INPP4A: variants seen among roughly 807,000 people sequenced by gnomAD.
The protein encoded by INPP4A is inositol polyphosphate-4-phosphatase, type I, 107kD.
A neutral mutation model predicts 119.8 loss-of-function variants in INPP4A; 33 were observed. The ratio of observed to expected loss-of-function variants is 0.28; its 90% CI spans 0.21 to 0.37. The LOEUF is 0.37. Ranked by LOEUF, INPP4A falls within the 10% of genes least tolerant of loss-of-function variation. The pLI is 1.00. For missense variants in INPP4A, 956 were observed against 1,289.9 expected (o/e 0.74, Z 3.97); for synonymous variants, 496 against 500.7 (o/e 0.99, Z 0.12).
chr2:98,576,765 G>A (rs1006616000), intron 23 of INPP4A, among the ~76,000 whole-genome samples: 2 of 152,232 alleles, frequency 1.3e-5, no homozygotes, highest in African/African-American at 4.8e-5. Flanking sequence ...GCCTACAGGC[G>A]GCAGGCCCCC....
At chr2:98,563,149 C>T (rs944538662) in intron 17 of INPP4A, among the ~76,000 whole-genome samples, 5 of 152,096 alleles carry the variant, frequency 3.3e-5, no homozygotes, top group African/African-American at 9.7e-5. Flanking sequence ...TCATGACTTG[C>T]AGAAGCTTCT....
chr2:98,499,966 T>G (rs953479756), intron 1 of INPP4A, among the ~76,000 whole-genome samples: 1 of 152,230 alleles, frequency 6.6e-6, no homozygotes, highest in African/African-American at 2.4e-5. Context: ...TCCGTGGGTC[T>G]GGCGGAGCCA....
chr2:98,572,824 G>T lies in INPP4A; in HGVS notation c.2528G>T (p.Arg843Leu). Residue 843 changes from arginine to leucine, a missense_variant, in exon 23 of 25, where the codon CGG becomes CTG. By Grantham distance (102) the Arg-to-Leu change is moderately radical. Around this residue, in one of 2 missense-constraint regions of INPP4A, gnomAD observed 304 missense variants for 492.1 expected, o/e 0.62. Coordinates refer to ENST00000409851, the MANE Select transcript of INPP4A (RefSeq NM_001134225.2). ...TCCTTTTCTCTTCCAGGCCTGCCTC[G>T]GTCTCGCAGTCAGACGTGCCTGCCA... is the stretch of plus-strand genomic sequence containing the variant. ...KEVLPEDCLP[R>L]SRSQTCLPEL... 2 of 1,558,104 alleles carry T rather than the reference G, an allele frequency of 1.3e-6. No homozygotes were observed. The highest frequency in any genetic ancestry group is 1.7e-6 in the Non-Finnish European group (2 of 1,151,364).
intron 11 of INPP4A, among the ~76,000 whole-genome samples, chr2:98,544,340 G>A (rs1216679177): frequency 6.6e-6 from 1 of 152,230 alleles, no homozygotes; most frequent in Non-Finnish European, 1.5e-5. Context: ...ACTGCTTCAT[G>A]TTGTTTCTTC....
At chr2:98,492,835 T>C (rs1681117981) in intron 1 of INPP4A, among the ~76,000 whole-genome samples, 2 of 152,248 alleles carry the variant, frequency 1.3e-5, no homozygotes, top group African/African-American at 4.8e-5. Context: ...TGCCAAGTAC[T>C]GACTTTGGAT....
intron 1 of INPP4A, among the ~76,000 whole-genome samples, chr2:98,507,224 C>A (rs1466404775): frequency 6.6e-6 from 1 of 152,236 alleles, no homozygotes; most frequent in African/African-American, 2.4e-5. Flanking sequence ...CAGCCCATCC[C>A]ATCCCTCACA....
chr2:98,557,260 G>T (rs1463057275), intron 16 of INPP4A, among the ~76,000 whole-genome samples: 1 of 152,204 alleles, frequency 6.6e-6, no homozygotes, highest in East Asian at 1.9e-4. Flanking sequence ...ATAAAAATCA[G>T]CTGTTGTAAT....
chr2:98,542,120 G>A (rs1024354380), intron 10 of INPP4A, among the ~76,000 whole-genome samples: 1 of 152,220 alleles, frequency 6.6e-6, no homozygotes, highest in Non-Finnish European at 1.5e-5. Context: ...GCCTCTGTGA[G>A]ATGATGACAT....
chr2:98,498,128 AG>A (rs1558949759), intron 1 of INPP4A, among the ~76,000 whole-genome samples: 1 of 152,074 alleles, frequency 6.6e-6, no homozygotes. Flanking sequence ...GAGATTTGAT[AG>A]GGGCCAGGGG....
chr2:98,520,819 C>A, intron 4 of INPP4A, 88 bp downstream of exon 4: 1 of 712,934 alleles, frequency 1.4e-6, no homozygotes, highest in Non-Finnish European at 2.3e-6. Context: ...ATGGGCTTGT[C>A]TCAGAGAGCT....
chr2:98,564,476 C>T (rs984631598), intron 18 of INPP4A, among the ~76,000 whole-genome samples, 164 bp from the exon 19 acceptor site: 4 of 152,192 alleles, frequency 2.6e-5, no homozygotes, highest in Non-Finnish European at 5.9e-5. Flanking sequence ...TTCCCATGGC[C>T]AGGGCATGCC....
intron 10 of INPP4A, 80 bp downstream of exon 10, chr2:98,539,755 C>T: frequency 1.4e-6 from 2 of 1,409,596 alleles, no homozygotes; most frequent in Non-Finnish European, 1.9e-6. Context: ...GCGGGCAGAG[C>T]ACTGGCATCA....
In INPP4A at chr2:98,589,726, C is replaced by T. The variant is rs1301935691; in HGVS notation, c.*2118C>T. On this transcript the variant is annotated 3_prime_UTR_variant, in exon 25 of 25. Transcript: ENST00000409851. ...AGGGTGAGGGTGTGTGGCACAGAGG[C>T]AAGCAGCTCCTCTCTTCTGTAGGAG... 5.5e-6 allele frequency: 1 copy of T among 181,666 alleles called. No individual in the cohort carries two copies. Among genetic ancestry groups the T allele is most frequent in the African/African-American group, 2.4e-5 (1 of 42,426 alleles). The allele number at this position is 181,666 out of a possible 1,614,324, so 11.3% of individuals were successfully genotyped here.
At chr2:98,552,118 C>T (rs553595212) in intron 13 of INPP4A, among the ~76,000 whole-genome samples, 19 of 152,278 alleles carry the variant, frequency 1.2e-4, no homozygotes, top group African/African-American at 4.3e-4. Context: ...CTGAGGAGTC[C>T]GGCTTTGCCT....
intron 1 of INPP4A, among the ~76,000 whole-genome samples, chr2:98,517,783 T>C (rs1376887337): frequency 6.6e-6 from 1 of 152,266 alleles, no homozygotes; most frequent in Non-Finnish European, 1.5e-5. Flanking sequence ...TTCCATGTTC[T>C]ATACTATTGG....
intron 4 of INPP4A, among the ~76,000 whole-genome samples, chr2:98,528,090 T>G (rs1180311877): frequency 6.6e-6 from 1 of 152,146 alleles, no homozygotes; most frequent in Non-Finnish European, 1.5e-5. Context: ...AGACAAAGAT[T>G]TTTAAATCAG....
chr2:98,474,961 A>G lies in INPP4A; in HGVS notation c.-166+29876A>G, dbSNP rs147312004. ...ACTTAGGCCCTTCTCCTAAGGAGCT[A>G]CAGGAGACAAGGGTGTACACTGTAT... is the stretch of plus-strand genomic sequence containing the variant. On this transcript the variant is annotated intron_variant, in intron 1 of 24. Transcript: ENST00000409851. 1.6e-4 allele frequency among the ~76,000 whole-genome samples: 25 copies of G among 152,232 alleles called. No homozygotes were observed. In the East Asian group the frequency reaches 4.8e-3, roughly 29 times the overall value.
intron 10 of INPP4A, among the ~76,000 whole-genome samples, chr2:98,540,727 G>A (rs1270528169): frequency 6.6e-6 from 1 of 152,178 alleles, no homozygotes; most frequent in African/African-American, 2.4e-5. Flanking sequence ...CAAACCCACT[G>A]TTGTAATAAC....
chr2:98,535,717 T>C lies in INPP4A; in HGVS notation c.271-12T>C, dbSNP rs572855964. 5 of 1,281,512 alleles carry C rather than the reference T, an allele frequency of 3.9e-6. No homozygotes were observed. The Admixed American group carries it at 8.0e-5, about 21-fold the overall frequency. The allele number at this position is 1,281,512 out of a possible 1,614,324, so 79.4% of individuals were successfully genotyped here. On this transcript the variant is annotated splice_polypyrimidine_tract_variant and intron_variant, in intron 5 of 24. Transcript: ENST00000409851. ...CAACCCTGTGTTCTGATTATTTCCT[T>C]TTCTGTTCTAGGGAACCAACAATCC...
Sources: allele counts gnomAD v4.1 joint callset (sites outside exome capture counted in the v4.1 genomes callset), GRCh38; gene constraint gnomAD v4.1.1; regional missense constraint gnomAD v4.1.1; transcripts MANE v1.5; gene names NCBI Gene and HGNC (gene_info 2026-07-23, HGNC 2026-07-21).